Variants in SOCS2 observed in about 807,000 individuals in gnomAD.
SOCS2 encodes the protein CIS-2.
In SOCS2, 10 loss-of-function variants were observed where a neutral mutation model predicts 18.6. The ratio of observed to expected loss-of-function variants is 0.54; its 90% confidence interval spans 0.33 to 0.91. The LOEUF (loss-of-function observed/expected upper bound fraction) is 0.91. SOCS2 is among the 40% of genes least tolerant of loss of function. The pLI is 0.02. For missense variants in SOCS2, 231 were observed against 247.2 expected, an observed-to-expected ratio of 0.93 and a Z score of 0.44; for synonymous variants, 104 against 104.0, an observed-to-expected ratio of 1.00 and a Z score of 0.00.
the SOCS2 span, among the ~76,000 whole-genome samples, chr12:93,593,300 G>A: frequency 6.6e-6 from 1 of 152,086 alleles, no homozygotes; most frequent in East Asian, 1.9e-4. Context: ...AAAGCTCTCC[G>A]CCTACTCAGA....
rs781592365 is a variant in SOCS2, at chr12:93,575,274, T to C, written c.*95T>C. 4.7e-5 allele frequency: 38 copies of C among 800,846 alleles called. No individual in the cohort carries two copies. Among genetic ancestry groups the C allele is most frequent in the Admixed American group, 1.4e-4 (4 of 29,210 alleles). 49.6% of individuals were successfully genotyped at this position (800,846 alleles called of 1,614,324 possible). On this transcript the variant is annotated 3_prime_UTR_variant, in exon 2 of 2. Coordinates refer to ENST00000551556, the MANE Select transcript of SOCS2 (RefSeq NM_001270471.2). ...AACTTGAGTGCTCTGGATAACTATA[T>C]GGAATGCTTTCTAAGAACAGCTGAA...
the SOCS2 span, among the ~76,000 whole-genome samples, chr12:93,617,392 G>A: frequency 3.3e-5 from 5 of 152,306 alleles, no homozygotes; most frequent in East Asian, 5.8e-4. Flanking sequence ...TCTTGGTGAT[G>A]TTGAGTTCCT....
At chr12:93,584,489 T>C (rs1954571886), downstream of SOCS2, among the ~76,000 whole-genome samples, 1 of 152,194 alleles carries the variant, frequency 6.6e-6, no homozygotes, top group Admixed American at 6.5e-5. Context: ...GCCATGGTTT[T>C]CTCACTCTTT....
chr12:93,620,262 G>A, the SOCS2 span, among the ~76,000 whole-genome samples: 1 of 151,970 alleles, frequency 6.6e-6, no homozygotes, highest in Admixed American at 6.5e-5. Context: ...CACATAATTT[G>A]TAAACAATGT....
At chr12:93,572,466 C>T (rs1189847646), upstream of SOCS2, 5 of 363,316 alleles carry the variant, frequency 1.4e-5, no homozygotes, top group Non-Finnish European at 2.7e-5. The surrounding 1 kb of genome is among the most constrained non-coding windows in gnomAD (Gnocchi z 5.0). Flanking sequence ...CTCCTGACCT[C>T]CGCCCCCCAC....
downstream of SOCS2, among the ~76,000 whole-genome samples, chr12:93,578,682 GCACACACA>G (rs10594657): frequency 3.4e-5 from 5 of 146,560 alleles, no homozygotes; most frequent in Non-Finnish European, 7.5e-5. Context: ...TTGCATGCTC[GCACACACA>G]CACACACACA....
At chr12:93,610,167 A>G in the SOCS2 span, among the ~76,000 whole-genome samples, 2 of 152,218 alleles carry the variant, frequency 1.3e-5, no homozygotes, top group Non-Finnish European at 2.9e-5. Context: ...TAATTGTAAA[A>G]TATCCACACA....
chr12:93,587,860 A>C (rs1954594276), downstream of SOCS2, among the ~76,000 whole-genome samples: 1 of 152,224 alleles, frequency 6.6e-6, no homozygotes, highest in South Asian at 2.1e-4. Context: ...GTTGGTGGGC[A>C]GGGAACTGAG....
the SOCS2 span, among the ~76,000 whole-genome samples, chr12:93,604,116 T>C: frequency 1.3e-5 from 2 of 152,140 alleles, no homozygotes; most frequent in East Asian, 1.9e-4. Flanking sequence ...TGAGTCCTCA[T>C]TGGGTATATG....
chr12:93,609,450 G>A, the SOCS2 span, among the ~76,000 whole-genome samples: 5 of 150,898 alleles, frequency 3.3e-5, no homozygotes, highest in African/African-American at 1.2e-4. Context: ...TTTAGATAAA[G>A]TATTTTATTA....
the SOCS2 span, among the ~76,000 whole-genome samples, chr12:93,617,050 G>C: frequency 1.9e-4 from 29 of 152,294 alleles, no homozygotes; most frequent in African/African-American, 7.0e-4. Flanking sequence ...TACCGAGGTG[G>C]CTGTGCTGGG....
chr12:93,595,513 C>G, the SOCS2 span, among the ~76,000 whole-genome samples: 1 of 152,160 alleles, frequency 6.6e-6, no homozygotes, highest in Non-Finnish European at 1.5e-5. Flanking sequence ...TGTTTGTGCC[C>G]CTAGAGCTGG....
chr12:93,617,693 TAAA>T, the SOCS2 span, among the ~76,000 whole-genome samples: 2 of 145,344 alleles, frequency 1.4e-5, no homozygotes, highest in African/African-American at 5.0e-5. Flanking sequence ...CATATAAATG[TAAA>T]AAAAAAAAAT....
At chr12:93,602,268 T>G in the SOCS2 span, among the ~76,000 whole-genome samples, 1 of 152,100 alleles carries the variant, frequency 6.6e-6, no homozygotes, top group Admixed American at 6.6e-5. Flanking sequence ...TTAAAAATTT[T>G]TATTTTTAGT....
upstream of SOCS2, chr12:93,571,793 C>T: frequency 2.5e-6 from 1 of 402,370 alleles, no homozygotes; most frequent in South Asian, 1.7e-5. Flanking sequence ...GAAACAAGGG[C>T]AGACGCCCCT....
At chr12:93,583,341 A>G (rs1046453632) in exon 2 of SOCS2, 1 of 152,110 alleles carries the variant, frequency 6.6e-6, no homozygotes, top group African/African-American at 2.4e-5. Flanking sequence ...CTTATTTCCA[A>G]TTGATCCTCA....
the SOCS2 span, among the ~76,000 whole-genome samples, chr12:93,614,605 TTCTTTC>T: frequency 4.0e-5 from 5 of 124,816 alleles, no homozygotes; most frequent in Non-Finnish European, 6.5e-5. Context: ...CTTTCTTTCT[TTCTTTC>T]TTTCTTTCTT....
chr12:93,619,397 C>A, the SOCS2 span, among the ~76,000 whole-genome samples: 2 of 152,180 alleles, frequency 1.3e-5, no homozygotes, highest in South Asian at 4.1e-4. Flanking sequence ...TCGGAGCAAA[C>A]AGAGCCTAGC....
the SOCS2 span, among the ~76,000 whole-genome samples, chr12:93,620,541 A>C: frequency 2.6e-5 from 4 of 151,742 alleles, no homozygotes; most frequent in Non-Finnish European, 5.9e-5. Flanking sequence ...TCAGCCCCCC[A>C]GTAGCTGGGA....
Sources: gnomAD v4.1 joint callset for allele counts (sites outside exome capture counted in the v4.1 genomes callset) on GRCh38, gnomAD v4.1.1 for gene constraint, Gnocchi (gnomAD v3.1) non-coding constraint, MANE v1.5 for transcripts, NCBI Gene and HGNC (gene_info 2026-07-23, HGNC 2026-07-21) for gene names.